JAML: variants seen among roughly 807,000 people sequenced by gnomAD.
The protein encoded by JAML is junction adhesion molecule like.
A neutral mutation model predicts 39.3 loss-of-function variants in JAML; 25 were observed. That is an observed-to-expected ratio of 0.64 (90% CI 0.46 to 0.89). The LOEUF (loss-of-function observed/expected upper bound fraction) is 0.89, where lower values mean the gene tolerates loss of function less well. JAML is among the 40% of genes least tolerant of loss of function. The pLI, the probability that JAML is intolerant of heterozygous loss-of-function variation, is 0.00. For missense variants in JAML, 440 were observed against 486.9 expected, an observed-to-expected ratio of 0.90 and a Z score of 0.91; for synonymous variants, 162 against 179.2, an observed-to-expected ratio of 0.90 and a Z score of 0.77.
intron 1 of JAML, among the ~76,000 whole-genome samples, chr11:118,223,094 C>A (rs1229871522): frequency 0.02 from 1,817 of 92,622 alleles, no homozygotes; most frequent in South Asian, 0.028. Context: ...GACTCTGTCT[C>A]AAAAAAAAAA....
intron 5 of JAML, 59 bp downstream of exon 5, chr11:118,205,823 T>G: frequency 6.7e-7 from 1 of 1,497,496 alleles, no homozygotes; most frequent in Non-Finnish European, 9.3e-7. Flanking sequence ...GATTCTACCT[T>G]TGTCCTGATA....
At chr11:118,214,183 A>AC (rs1949110308) in intron 2 of JAML, among the ~76,000 whole-genome samples, 1 of 152,224 alleles carries the variant, frequency 6.6e-6, no homozygotes, top group African/African-American at 2.4e-5. Flanking sequence ...ATGAAAACCT[A>AC]GAAACCAGTG....
At chr11:118,202,817 C>T (rs534413654) in intron 6 of JAML, 1 of 396,570 alleles carries the variant, frequency 2.5e-6, no homozygotes, top group East Asian at 7.1e-5. Context: ...AGGCCACATC[C>T]TGATTGCTAA....
chr11:118,207,872 G>T (rs1030082452), intron 4 of JAML, among the ~76,000 whole-genome samples: 1 of 152,154 alleles, frequency 6.6e-6, no homozygotes, highest in Non-Finnish European at 1.5e-5. Flanking sequence ...TTCCCTCTGT[G>T]TCTCTTCTAA....
chr11:118,202,452 G>A (rs1003707052), intron 6 of JAML: 44 of 158,470 alleles, frequency 2.8e-4, no homozygotes, highest in African/African-American at 8.0e-4. Context: ...ATGTTGTAAG[G>A]TTCCTGAGAA....
At chr11:118,201,668 TGAGA>T (rs1459023552) in intron 6 of JAML, 10 of 152,246 alleles carry the variant, frequency 6.6e-5, no homozygotes, top group Non-Finnish European at 1.3e-4. Flanking sequence ...GAGCAGTGGC[TGAGA>T]GAGAAAGCAG....
At chr11:118,207,000 C>A (rs1219297645) in intron 4 of JAML, among the ~76,000 whole-genome samples, 2 of 152,184 alleles carry the variant, frequency 1.3e-5, no homozygotes, top group East Asian at 3.9e-4. Flanking sequence ...ATAAGCCACC[C>A]TTTCATCCAA....
At chr11:118,215,649 T>A (rs1200998242) in intron 1 of JAML, among the ~76,000 whole-genome samples, 1 of 151,414 alleles carries the variant, frequency 6.6e-6, no homozygotes, top group South Asian at 2.1e-4. Context: ...ACCTGGCCCA[T>A]GGTGCACTTT....
chr11:118,201,139 T>C (rs1948787779), intron 6 of JAML: 1 of 152,754 alleles, frequency 6.5e-6, no homozygotes, highest in Non-Finnish European at 1.5e-5. Flanking sequence ...GATTCAGAGA[T>C]GAATGATGAT....
chr11:118,196,275 G>A (rs112075626), intron 9 of JAML, among the ~76,000 whole-genome samples: 1 of 151,578 alleles, frequency 6.6e-6, no homozygotes, highest in South Asian at 2.1e-4. Flanking sequence ...TTATAGGCAC[G>A]CATCTCCACA....
chr11:118,208,025 G>A (rs1031016192), intron 4 of JAML, among the ~76,000 whole-genome samples: 1 of 152,156 alleles, frequency 6.6e-6, no homozygotes, highest in East Asian at 1.9e-4. Flanking sequence ...GAGCCCAGGG[G>A]TTTGAGACCA....
chr11:118,206,074 C>A, intron 4 of JAML, 83 bp from the exon 5 acceptor site: 1 of 1,237,744 alleles, frequency 8.1e-7, no homozygotes, highest in Non-Finnish European at 1.2e-6. Flanking sequence ...TCATGTTTAG[C>A]CAAAGACCCT....
intron 2 of JAML, chr11:118,212,791 C>T: frequency 6.9e-6 from 11 of 1,603,720 alleles, no homozygotes; most frequent in Non-Finnish European, 9.4e-6. Context: ...TATCTGGCTC[C>T]CTCCTCCTAT....
intron 6 of JAML, 27 bp from the exon 7 acceptor site, chr11:118,200,639 G>C (rs376925780): frequency 1.9e-6 from 3 of 1,613,658 alleles, no homozygotes; most frequent in African/African-American, 1.3e-5. Context: ...AGCAAGGAGA[G>C]GGTCTCAATA....
At chr11:118,205,578 T>C in intron 5 of JAML, 1 of 329,684 alleles carries the variant, frequency 3.0e-6, no homozygotes, top group South Asian at 3.2e-5. Context: ...ATGGACTCTA[T>C]ACGAAGGAAA....
At chr11:118,200,190 G>A (rs1011371406) in intron 7 of JAML, among the ~76,000 whole-genome samples, 3 of 152,156 alleles carry the variant, frequency 2.0e-5, no homozygotes, top group Non-Finnish European at 4.4e-5. Context: ...TAGTTCTTGT[G>A]TAAGATTTAT....
intron 7 of JAML, 123 bp downstream of exon 7, chr11:118,200,351 T>C (rs1157440864): frequency 4.1e-6 from 5 of 1,231,682 alleles, no homozygotes; most frequent in Non-Finnish European, 2.2e-6. Flanking sequence ...GATGATTCCA[T>C]TTAAAAATAC....
At chr11:118,208,980 C>T (rs992647292) in intron 4 of JAML, 5 of 222,752 alleles carry the variant, frequency 2.2e-5, no homozygotes, top group Admixed American at 2.1e-4. Context: ...AAGAAATTAT[C>T]CCTGTCGTCC....
At chr11:118,196,128 C>T (rs1045745917) in intron 9 of JAML, among the ~76,000 whole-genome samples, 26 of 147,490 alleles carry the variant, frequency 1.8e-4, no homozygotes, top group African/African-American at 5.5e-4. Context: ...CCACCATGCT[C>T]GGCCTTTTTT....
Sources: allele counts gnomAD v4.1 joint callset (sites outside exome capture counted in the v4.1 genomes callset), GRCh38; gene constraint gnomAD v4.1.1; transcripts MANE v1.5; gene names NCBI Gene and HGNC (gene_info 2026-07-23, HGNC 2026-07-21).